Variants in FSTL4 observed in about 807,000 individuals in gnomAD.
The protein encoded by FSTL4 is follistatin-related protein 4.
FSTL4 carries 28 observed loss-of-function variants against 78.2 expected under a neutral mutation model. That is an observed-to-expected ratio of 0.36 (90% confidence interval 0.27 to 0.49). The LOEUF (loss-of-function observed/expected upper bound fraction) is 0.49. Ranked by LOEUF, FSTL4 falls within the 20% of genes least tolerant of loss-of-function variation. FSTL4 has a pLI of 0.98. For synonymous variants in FSTL4, 422 were observed against 440.5 expected, an observed-to-expected ratio of 0.96 and a Z score of 0.53; for missense variants, 922 against 1,084.9, an observed-to-expected ratio of 0.85 and a Z score of 2.11.
At chr5:133,768,037 A>T in the FSTL4 span, among the ~76,000 whole-genome samples, 1 of 152,194 alleles carries the variant, frequency 6.6e-6, no homozygotes. Flanking sequence ...ATTTATGCTG[A>T]TGGAAGAGGA....
intron 3 of FSTL4, among the ~76,000 whole-genome samples, chr5:133,425,376 G>C (rs1441544458): frequency 6.6e-6 from 1 of 152,198 alleles, no homozygotes; most frequent in Non-Finnish European, 1.5e-5. Flanking sequence ...GCCATCCCCA[G>C]GTGGCAAAGC....
In FSTL4 at chr5:133,283,239, C is replaced by CGTGTGT. The variant is rs112657706; in HGVS notation, c.727+29409_727+29414dup. Among the ~76,000 whole-genome samples, 352 of 148,796 alleles carry CGTGTGT rather than the reference C, an allele frequency of 2.4e-3. 1 individual carries two copies. The highest frequency in any genetic ancestry group is 5.7e-3 in the African/African-American group (233 of 40,622). On this transcript the variant is annotated intron_variant, in intron 6 of 15. Transcript: ENST00000265342. ...GGGTCCTCTGGGCCTTTAAGCCTAG[C>CGTGTGT]GTGTGTGTGTGTGTGTGTGTGTGTC...
chr5:133,472,109 G>A (rs1757837309), intron 3 of FSTL4, among the ~76,000 whole-genome samples: 1 of 152,210 alleles, frequency 6.6e-6, no homozygotes, highest in Non-Finnish European at 1.5e-5. Flanking sequence ...TCAGGGGAAT[G>A]AGCAGGCTGT....
intron 4 of FSTL4, among the ~76,000 whole-genome samples, chr5:133,350,005 T>C (rs547421793): frequency 2.2e-3 from 322 of 148,192 alleles, no homozygotes; most frequent in Non-Finnish European, 4.0e-3. Flanking sequence ...GGATGGACTT[T>C]ATGTTTGTCA....
At chr5:133,472,280 T>C (rs1206889855) in intron 3 of FSTL4, among the ~76,000 whole-genome samples, 1 of 152,168 alleles carries the variant, frequency 6.6e-6, no homozygotes, top group African/African-American at 2.4e-5. Context: ...TTTTCAAATA[T>C]GTGAGTAATA....
At chr5:133,668,354 C>T in the FSTL4 span, among the ~76,000 whole-genome samples, 51 of 152,298 alleles carry the variant, frequency 3.3e-4, no homozygotes, top group Middle Eastern at 0.017. Flanking sequence ...CTCTCACACA[C>T]TCTTGGCTGG....
chr5:133,268,820 C>G (rs1472496349), intron 6 of FSTL4, among the ~76,000 whole-genome samples: 1 of 152,108 alleles, frequency 6.6e-6, no homozygotes, highest in Non-Finnish European at 1.5e-5. Context: ...TAGTGAAAAA[C>G]TAAGAACAAC....
chr5:133,598,410 A>G (rs1760785810), intron 2 of FSTL4, among the ~76,000 whole-genome samples: 1 of 128,034 alleles, frequency 7.8e-6, no homozygotes, highest in Non-Finnish European at 1.7e-5. Context: ...GTGCTGGCAC[A>G]GGTTACAGCA....
chr5:133,809,011 T>G, the FSTL4 span, among the ~76,000 whole-genome samples: 4 of 152,090 alleles, frequency 2.6e-5, no homozygotes, highest in South Asian at 8.4e-4. Context: ...TTGGACAGGT[T>G]GTGTGAACTT....
intron 4 of FSTL4, among the ~76,000 whole-genome samples, chr5:133,369,762 ACACTTGTG>A (rs1464952138): frequency 6.6e-6 from 1 of 152,192 alleles, no homozygotes; most frequent in Admixed American, 6.5e-5. Context: ...TAAGGGCAAC[ACACTTGTG>A]CCATTTGATT....
At chr5:133,290,648 A>G (rs1753239806) in intron 6 of FSTL4, among the ~76,000 whole-genome samples, 1 of 152,198 alleles carries the variant, frequency 6.6e-6, no homozygotes, top group Non-Finnish European at 1.5e-5. Flanking sequence ...GATGAGGTAA[A>G]GCAGGAACCA....
intron 4 of FSTL4, among the ~76,000 whole-genome samples, chr5:133,348,667 C>T (rs539190884): frequency 6.6e-6 from 1 of 152,246 alleles, no homozygotes; most frequent in Admixed American, 6.5e-5. Context: ...CACTTCGCAA[C>T]CTGTGCCTCT....
At position 133,475,588 on chromosome 5, in the gene FSTL4, T is replaced by C. The variant is rs184188739; in HGVS notation, c.161-74602A>G. ...CTCTATGAAATATTTAGCACTTAAC[T>C]CGTTATTTCTGCTGCTGGCAAAGTC... On this transcript the variant is annotated intron_variant, in intron 3 of 15. Coordinates refer to ENST00000265342, the MANE Select transcript of FSTL4 (RefSeq NM_015082.2). 8.1e-4 allele frequency among the ~76,000 whole-genome samples: 123 copies of C among 152,372 alleles called. 1 individual carries two copies. The highest frequency in any genetic ancestry group is 2.9e-3 in the African/African-American group (120 of 41,592).
intron 4 of FSTL4, among the ~76,000 whole-genome samples, chr5:133,341,071 C>T (rs1254414939): frequency 6.6e-6 from 1 of 152,156 alleles, no homozygotes; most frequent in Non-Finnish European, 1.5e-5. Flanking sequence ...AGCCCACTCT[C>T]ATTCGCATCA....
chr5:133,624,119 T>G, the FSTL4 span, among the ~76,000 whole-genome samples: 1 of 151,824 alleles, frequency 6.6e-6, no homozygotes, highest in Non-Finnish European at 1.5e-5. Context: ...CCAAAAGAAT[T>G]GAAAATAAGT....
chr5:133,295,808 C>T (rs1225546221), intron 6 of FSTL4, among the ~76,000 whole-genome samples: 1 of 152,200 alleles, frequency 6.6e-6, no homozygotes, highest in Non-Finnish European at 1.5e-5. Flanking sequence ...GCATCTTCCT[C>T]TCATTCTCTT....
chr5:133,472,092 C>T (rs1039263669), intron 3 of FSTL4, among the ~76,000 whole-genome samples: 2 of 152,188 alleles, frequency 1.3e-5, no homozygotes, highest in Non-Finnish European at 2.9e-5. Context: ...AGAACTCCTG[C>T]ACTCCATCAG....
chr5:133,447,124 T>C (rs1757281360), intron 3 of FSTL4, among the ~76,000 whole-genome samples: 1 of 152,208 alleles, frequency 6.6e-6, no homozygotes, highest in Non-Finnish European at 1.5e-5. Flanking sequence ...AGAGCAGTGA[T>C]GCTGATATAC....
At chr5:133,687,825 GCA>G in the FSTL4 span, among the ~76,000 whole-genome samples, 3 of 152,328 alleles carry the variant, frequency 2.0e-5, no homozygotes, top group East Asian at 5.8e-4. Flanking sequence ...CACCATCAGT[GCA>G]GGCTGGCGCC....
Sources: allele counts gnomAD v4.1 joint callset (sites outside exome capture counted in the v4.1 genomes callset), GRCh38; gene constraint gnomAD v4.1.1; transcripts MANE v1.5; gene names NCBI Gene and HGNC (gene_info 2026-07-23, HGNC 2026-07-21).